DZIP3: variants seen among roughly 807,000 people sequenced by gnomAD.
DZIP3 encodes E3 ubiquitin-protein ligase DZIP3.
Under a neutral mutation model 162.0 loss-of-function variants are expected in DZIP3, and 118 were observed. The ratio of observed to expected loss-of-function variants is 0.73; its 90% CI spans 0.63 to 0.85. DZIP3 has a LOEUF of 0.85. Among genes scored for constraint, DZIP3 ranks in the 40% least tolerant of loss-of-function variants. The probability of loss-of-function intolerance (pLI) is 0.00; values close to 1 mark genes in which losing one functional copy is unlikely to be tolerated. For synonymous variants in DZIP3, 438 were observed against 458.6 expected (o/e 0.96, Z 0.57); for missense variants, 1,331 against 1,407.0 (o/e 0.95, Z 0.86).
At chr3:108,640,143 T>G (rs527785247) in intron 12 of DZIP3, among the ~76,000 whole-genome samples, 2 of 152,300 alleles carry the variant, frequency 1.3e-5, no homozygotes, top group East Asian at 3.9e-4. Flanking sequence ...ATCATACTAC[T>G]GTATATCTTG....
At position 108,648,914 on chromosome 3, in the gene DZIP3, C is replaced by G; in HGVS notation, c.1963-4C>G. The G allele has an allele frequency of 8.5e-7, 1 of 1,172,104 alleles. No individual in the cohort carries two copies. Among genetic ancestry groups the G allele is most frequent in the Non-Finnish European group, 1.1e-6 (1 of 887,486 alleles). 72.6% of individuals were successfully genotyped at this position (1,172,104 alleles called of 1,614,324 possible). On this transcript the variant is annotated splice_region_variant and splice_polypyrimidine_tract_variant and intron_variant, in intron 16 of 32. Coordinates refer to ENST00000361582, the MANE Select transcript of DZIP3 (RefSeq NM_014648.4). ...TATTTAATAAATAATTTTTTACCTACTAGGTTAAGAGTAAACAAAGGAAAA... is the reference window on the plus strand; with the variant it reads ...TATTTAATAAATAATTTTTTACCTAGTAGGTTAAGAGTAAACAAAGGAAAA...
At chr3:108,620,167 C>T (rs1036908676) in intron 5 of DZIP3, among the ~76,000 whole-genome samples, 1 of 152,198 alleles carries the variant, frequency 6.6e-6, no homozygotes, top group African/African-American at 2.4e-5. Context: ...TATACGGCCA[C>T]CTCCAGCAAT....
At chr3:108,620,467 C>T (rs1941273718) in intron 5 of DZIP3, among the ~76,000 whole-genome samples, 1 of 152,188 alleles carries the variant, frequency 6.6e-6, no homozygotes. Context: ...GGATAACAGC[C>T]TCAGGCCAGC....
chr3:108,608,025 C>G (rs1940476753), intron 2 of DZIP3, 64 bp from the exon 3 acceptor site: 1 of 1,313,692 alleles, frequency 7.6e-7, no homozygotes, highest in African/African-American at 1.5e-5. Flanking sequence ...AGATTCTTTA[C>G]TACTACAATT....
At chr3:108,654,418 T>C (rs747792862) in intron 19 of DZIP3, 108 bp downstream of exon 19, 36 of 1,231,018 alleles carry the variant, frequency 2.9e-5, no homozygotes, top group Non-Finnish European at 4.0e-5. Flanking sequence ...TTATACTGTT[T>C]GTGAGGAGAA....
intron 1 of DZIP3, among the ~76,000 whole-genome samples, chr3:108,598,089 CTT>C (rs888133014): frequency 6.6e-6 from 1 of 152,034 alleles, no homozygotes; most frequent in Non-Finnish European, 1.5e-5. Flanking sequence ...TGATTAATAA[CTT>C]TTATAGTATT....
chr3:108,674,239 C>A, intron 24 of DZIP3, 58 bp downstream of exon 24: 1 of 1,395,090 alleles, frequency 7.2e-7, no homozygotes, highest in Non-Finnish European at 1.0e-6. Flanking sequence ...CAAGTGTCTC[C>A]ACGGTTGAAT....
intron 26 of DZIP3, among the ~76,000 whole-genome samples, chr3:108,683,367 C>T (rs1944387474): frequency 6.6e-6 from 1 of 152,096 alleles, no homozygotes; most frequent in African/African-American, 2.4e-5. Context: ...CCAGTCTATC[C>T]ATTGTAAAGT....
intron 7 of DZIP3, among the ~76,000 whole-genome samples, chr3:108,627,733 C>T (rs1240538837): frequency 2.6e-5 from 4 of 152,190 alleles, no homozygotes; most frequent in Non-Finnish European, 4.4e-5. Flanking sequence ...TAAAGATCCA[C>T]TCCCACTCAT....
At chr3:108,673,406 T>A (rs1260083117) in intron 23 of DZIP3, among the ~76,000 whole-genome samples, 3 of 151,944 alleles carry the variant, frequency 2.0e-5, no homozygotes, top group African/African-American at 7.2e-5. Context: ...CTCGTTTGTA[T>A]AGAGTGTTTT....
chr3:108,626,743 G>T (rs1174658169), intron 7 of DZIP3, among the ~76,000 whole-genome samples: 1 of 152,152 alleles, frequency 6.6e-6, no homozygotes. Context: ...CAACTAATCA[G>T]TCATAAAATA....
Position 108,632,516 on chromosome 3 carries a change from C to G in DZIP3, c.697-437C>G, listed in dbSNP as rs183540319. ...CATTATAGCAGTGAATGGCATATTG[C>G]ACTACCACAGTGGTTCCACTGCCAA... On this transcript the variant is annotated intron_variant, in intron 8 of 32. Coordinates refer to ENST00000361582, the MANE Select transcript of DZIP3 (RefSeq NM_014648.4). Among the ~76,000 whole-genome samples the G allele has an allele frequency of 2.0e-5, 3 of 152,320 alleles. No homozygotes were observed. In the East Asian group the frequency reaches 5.8e-4, roughly 29 times the overall value.
intron 1 of DZIP3, among the ~76,000 whole-genome samples, chr3:108,590,783 T>C (rs780332377): frequency 3.3e-5 from 5 of 152,218 alleles, no homozygotes; most frequent in Non-Finnish European, 5.9e-5. Flanking sequence ...AGGCAAGTTC[T>C]CACTGCTGCA....
intron 1 of DZIP3, chr3:108,602,952 C>T (rs1329343760): frequency 6.6e-6 from 1 of 151,910 alleles, no homozygotes. Flanking sequence ...TTTCTTAACT[C>T]TGTTAATTCG....
intron 2 of DZIP3, among the ~76,000 whole-genome samples, chr3:108,607,191 G>A: frequency 6.6e-6 from 1 of 152,232 alleles, no homozygotes. Flanking sequence ...ATCATCTTTT[G>A]TAGAAACTTT....
At chr3:108,629,743 C>T (rs1377510802) in intron 8 of DZIP3, among the ~76,000 whole-genome samples, 1 of 151,484 alleles carries the variant, frequency 6.6e-6, no homozygotes. Context: ...AGTCATTAGA[C>T]TATTATACAA....
chr3:108,596,961 G>T (rs1422502530), intron 1 of DZIP3, among the ~76,000 whole-genome samples: 1 of 151,996 alleles, frequency 6.6e-6, no homozygotes, highest in Non-Finnish European at 1.5e-5. Context: ...CTAGGCATGG[G>T]GTCATTTAGA....
intron 25 of DZIP3, among the ~76,000 whole-genome samples, chr3:108,677,055 A>C (rs1445480587): frequency 6.6e-6 from 1 of 152,162 alleles, no homozygotes; most frequent in Admixed American, 6.6e-5. Context: ...AGTAATCTCT[A>C]AAATTTTTCC....
intron 3 of DZIP3, 30 bp downstream of exon 3, chr3:108,608,188 T>C (rs1408781075): frequency 1.4e-6 from 2 of 1,452,660 alleles, no homozygotes; most frequent in African/African-American, 3.9e-5. Context: ...TCATTAACTG[T>C]TAGTTAATTG....
Sources: allele counts gnomAD v4.1 joint callset (sites outside exome capture counted in the v4.1 genomes callset), GRCh38; gene constraint gnomAD v4.1.1; transcripts MANE v1.5; gene names NCBI Gene and HGNC (gene_info 2026-07-23, HGNC 2026-07-21).